Variants in ASIC2 observed in about 807,000 individuals in gnomAD.
The protein encoded by ASIC2 is acid sensing ion channel subunit 2, also known as acid-sensing ion channel 2.
ASIC2 carries 25 observed loss-of-function variants against 57.3 expected under a neutral mutation model. The ratio of observed to expected loss-of-function variants is 0.44; its 90% CI spans 0.32 to 0.61. The LOEUF (loss-of-function observed/expected upper bound fraction) is 0.61. Among genes scored for constraint, ASIC2 ranks in the 20% least tolerant of loss-of-function variants. The probability of loss-of-function intolerance (pLI) is 0.06; values close to 1 mark genes in which losing one functional copy is unlikely to be tolerated. For missense variants in ASIC2, 641 were observed against 738.1 expected (o/e 0.87, Z 1.52); for synonymous variants, 319 against 307.5 (o/e 1.04, Z -0.39).
intron 1 of ASIC2, among the ~76,000 whole-genome samples, chr17:33,574,120 T>A (rs1916542420): frequency 6.6e-6 from 1 of 152,224 alleles, no homozygotes; most frequent in African/African-American, 2.4e-5. Context: ...ATCTTTGACT[T>A]AACTAAATAA....
chr17:34,008,879 G>C (rs1489080319), intron 1 of ASIC2, among the ~76,000 whole-genome samples: 1 of 152,224 alleles, frequency 6.6e-6, no homozygotes, highest in African/African-American at 2.4e-5. Flanking sequence ...AAGTCTATCA[G>C]AGTGGAGATT....
Position 34,061,863 on chromosome 17 carries a change from C to T in ASIC2, c.555+94115G>A, listed in dbSNP as rs149214274. Among the ~76,000 whole-genome samples, 277 of 152,176 alleles carry T rather than the reference C, an allele frequency of 1.8e-3. 3 individuals are homozygous for T. Among genetic ancestry groups the T allele is most frequent in the African/African-American group, 6.3e-3 (260 of 41,538 alleles). On this transcript the variant is annotated intron_variant, in intron 1 of 9. Coordinates refer to the ASIC2 transcript ENST00000359872. ...ATACACGCATCTAACACTGAAGCTC[C>T]CAAATTTATAAAACAATTACAACTA...
chr17:34,130,521 G>A (rs913626092), intron 1 of ASIC2, among the ~76,000 whole-genome samples: 1 of 152,216 alleles, frequency 6.6e-6, no homozygotes, highest in Non-Finnish European at 1.5e-5. Flanking sequence ...TGGACACACA[G>A]GGAAAGAGAC....
chr17:33,771,565 T>C (rs1400459477), intron 1 of ASIC2, among the ~76,000 whole-genome samples: 1 of 152,126 alleles, frequency 6.6e-6, no homozygotes, highest in Non-Finnish European at 1.5e-5. Context: ...TTTTTCAAGA[T>C]GCCAGGACTC....
At chr17:33,666,488 G>T (rs1907477146) in intron 1 of ASIC2, among the ~76,000 whole-genome samples, 1 of 152,134 alleles carries the variant, frequency 6.6e-6, no homozygotes, top group Non-Finnish European at 1.5e-5. Flanking sequence ...GCCCCCAGAG[G>T]GTGACTCATT....
intron 1 of ASIC2, among the ~76,000 whole-genome samples, chr17:33,159,800 G>A (rs958481205): frequency 4.6e-5 from 7 of 152,118 alleles, no homozygotes; most frequent in African/African-American, 1.7e-4. Context: ...TAATCTTCTT[G>A]TGCCTCAATT....
chr17:33,915,780 G>T (rs1469258891), intron 1 of ASIC2, among the ~76,000 whole-genome samples: 2 of 152,168 alleles, frequency 1.3e-5, no homozygotes, highest in Non-Finnish European at 2.9e-5. Context: ...GATGCAAAGG[G>T]GTTTCATTGA....
intron 1 of ASIC2, among the ~76,000 whole-genome samples, chr17:33,522,351 G>A (rs1001459880): frequency 6.6e-6 from 1 of 152,208 alleles, no homozygotes; most frequent in East Asian, 1.9e-4. Flanking sequence ...CTGAGAAACC[G>A]AGTCTTCCCT....
rs751399803 is a variant in ASIC2, at chr17:33,861,456, A to ATT, written c.555+294520_555+294521dup. Among the ~76,000 whole-genome samples, 4 of 152,228 alleles carry ATT rather than the reference A, an allele frequency of 2.6e-5. No individual in the cohort carries two copies. The East Asian group carries it at 7.7e-4, about 29-fold the overall frequency. ...CTTTAATAGAAGCAGACCAAAGGCT[A>ATT]TTATTCCCATTCTAAACATGAGAAG... On this transcript the variant is annotated intron_variant, in intron 1 of 9. Transcript: ENST00000359872.
At chr17:33,180,696 T>G (rs1293482215) in intron 1 of ASIC2, among the ~76,000 whole-genome samples, 3 of 152,136 alleles carry the variant, frequency 2.0e-5, no homozygotes, top group Non-Finnish European at 4.4e-5. Flanking sequence ...AGAACTGTCA[T>G]CTATTTGGGG....
intron 1 of ASIC2, among the ~76,000 whole-genome samples, chr17:33,961,781 C>T (rs935135156): frequency 1.3e-5 from 2 of 152,106 alleles, no homozygotes; most frequent in African/African-American, 2.4e-5. Context: ...GTAGCCCTGG[C>T]TGCCCCTTCA....
intron 1 of ASIC2, among the ~76,000 whole-genome samples, chr17:33,743,971 C>A (rs149370047): frequency 6.6e-6 from 1 of 152,300 alleles, no homozygotes; most frequent in East Asian, 1.9e-4. Context: ...AAGAAACAAG[C>A]TAATCAGAGG....
chr17:33,624,891 C>A (rs1905923539), intron 1 of ASIC2, among the ~76,000 whole-genome samples: 1 of 152,194 alleles, frequency 6.6e-6, no homozygotes, highest in Admixed American at 6.5e-5. Context: ...TTCTATATGT[C>A]AAGAACTAAG....
At chr17:33,510,162 C>T (rs1251855656) in intron 1 of ASIC2, among the ~76,000 whole-genome samples, 1 of 152,166 alleles carries the variant, frequency 6.6e-6, no homozygotes, top group Non-Finnish European at 1.5e-5. Flanking sequence ...GTTCTTGTAT[C>T]TGTACAGCAG....
intron 1 of ASIC2, among the ~76,000 whole-genome samples, chr17:33,325,092 T>C (rs541198637): frequency 6.6e-6 from 1 of 152,148 alleles, no homozygotes; most frequent in Admixed American, 6.5e-5. Context: ...GAGTACCTAT[T>C]AGGGTCTGAG....
chr17:33,915,462 C>T (rs1450301842), intron 1 of ASIC2, among the ~76,000 whole-genome samples: 1 of 152,224 alleles, frequency 6.6e-6, no homozygotes, highest in Non-Finnish European at 1.5e-5. Context: ...TTCCTACTTG[C>T]CTTGGGGTCC....
intron 1 of ASIC2, among the ~76,000 whole-genome samples, chr17:33,451,951 C>T (rs1912267047): frequency 6.6e-6 from 1 of 152,130 alleles, no homozygotes. Flanking sequence ...ATTGCTGTAT[C>T]CTCAGAACCT....
At chr17:33,037,147 A>AAAG in intron 3 of ASIC2, among the ~76,000 whole-genome samples, 1 of 140,978 alleles carries the variant, frequency 7.1e-6, no homozygotes, top group Admixed American at 7.0e-5. Flanking sequence ...AAAAAAAAAA[A>AAAG]AGAATTGGTT....
rs189534630 is a variant in ASIC2, at chr17:33,724,700, G to A, written c.555+431278C>T. Among the ~76,000 whole-genome samples the A allele has an allele frequency of 3.5e-3, 536 of 152,264 alleles. 1 individual carries two copies. Among genetic ancestry groups the A allele is most frequent in the Non-Finnish European group, 5.8e-3 (393 of 68,026 alleles). On this transcript the variant is annotated intron_variant, in intron 1 of 9. Transcript: ENST00000359872. ...GAGCAGCAGTTTGGGAAGTAGTGGG[G>A]AGAAATCAAGAATTTGGTTTTGAAC...
Sources: allele counts gnomAD v4.1 joint callset (sites outside exome capture counted in the v4.1 genomes callset), GRCh38; gene constraint gnomAD v4.1.1; transcripts MANE v1.5; gene names NCBI Gene and HGNC (gene_info 2026-07-23, HGNC 2026-07-21).